The following ASTN2 variants were observed in gnomAD, a reference collection of about 807,000 sequenced individuals.
ASTN2 encodes the protein astrotactin-2.
Under a neutral mutation model 139.8 loss-of-function variants are expected in ASTN2, and 54 were observed. The ratio of observed to expected loss-of-function variants is 0.39; its 90% CI spans 0.31 to 0.48. The LOEUF is 0.48. Ranked by LOEUF, ASTN2 falls within the 20% of genes least tolerant of loss-of-function variation. The pLI, the probability that ASTN2 is intolerant of heterozygous loss-of-function variation, is 0.95. For synonymous variants in ASTN2, 756 were observed against 719.5 expected (o/e 1.05, Z -0.81); for missense variants, 1,565 against 1,725.1 (o/e 0.91, Z 1.64).
intron 10 of ASTN2, among the ~76,000 whole-genome samples, chr9:116,969,303 C>A (rs558697848): frequency 1.3e-5 from 2 of 152,184 alleles, no homozygotes; most frequent in Non-Finnish European, 2.9e-5. Flanking sequence ...GGGCAAGGTA[C>A]ATAATCCTCT....
intron 4 of ASTN2, among the ~76,000 whole-genome samples, chr9:117,128,175 G>A (rs1418138887): frequency 6.6e-6 from 1 of 151,808 alleles, no homozygotes; most frequent in Non-Finnish European, 1.5e-5. Flanking sequence ...ATCAGGGTCT[G>A]ACATTCTGGC....
chr9:116,975,568 C>G (rs1836320413), intron 9 of ASTN2, among the ~76,000 whole-genome samples: 2 of 152,146 alleles, frequency 1.3e-5, no homozygotes. Flanking sequence ...TTGCTAAGTT[C>G]CTTTTCCTGA....
At chr9:117,052,737 A>T (rs1401957750) in intron 5 of ASTN2, among the ~76,000 whole-genome samples, 3 of 152,210 alleles carry the variant, frequency 2.0e-5, no homozygotes, top group Non-Finnish European at 4.4e-5. Flanking sequence ...TGTTATTTAC[A>T]TTGTTTCTCA....
intron 10 of ASTN2, among the ~76,000 whole-genome samples, chr9:116,893,304 C>T (rs1235370282): frequency 1.3e-5 from 2 of 152,098 alleles, no homozygotes; most frequent in Non-Finnish European, 1.5e-5. Flanking sequence ...ATTTTCATGG[C>T]TATTTTGAAG....
chr9:116,739,067 A>G (rs763652962), intron 13 of ASTN2, among the ~76,000 whole-genome samples: 7 of 152,182 alleles, frequency 4.6e-5, no homozygotes, highest in Admixed American at 6.5e-5. Flanking sequence ...AAATTTATCT[A>G]TAAAAACAGT....
chr9:117,205,336 A>G (rs1416794387), intron 3 of ASTN2, among the ~76,000 whole-genome samples: 1 of 152,162 alleles, frequency 6.6e-6, no homozygotes, highest in Non-Finnish European at 1.5e-5. Context: ...GGGGTTCAAG[A>G]CTTACCACGT....
At position 116,424,725 on chromosome 9, in the gene ASTN2, G is replaced by C. The variant is rs745506891; in HGVS notation, c.*1126C>G. On this transcript the variant is annotated 3_prime_UTR_variant, in exon 23 of 23. Coordinates refer to ENST00000313400, the MANE Select transcript of ASTN2 (RefSeq NM_001365068.1). ...CCCAAGTAGCTGGGATTGATTACAGGCACGTGCCACCATGCCCTGCTATTT... is the reference window on the plus strand; with the variant it reads ...CCCAAGTAGCTGGGATTGATTACAGCCACGTGCCACCATGCCCTGCTATTT... Among the ~76,000 whole-genome samples, 24 of 151,866 alleles carry C rather than the reference G, an allele frequency of 1.6e-4. No individual in the cohort carries two copies. The highest frequency in any genetic ancestry group is 3.2e-4 in the Non-Finnish European group (22 of 67,988).
chr9:116,614,554 C>A (rs10817910), intron 19 of ASTN2, among the ~76,000 whole-genome samples: 60,504 of 151,554 alleles, frequency 0.4, 12,963 homozygotes, highest in Admixed American at 0.51. Flanking sequence ...AATAGAGCCC[C>A]CGGAAACAAT....
At chr9:116,479,720 G>A (rs778821232) in intron 20 of ASTN2, among the ~76,000 whole-genome samples, 7 of 152,182 alleles carry the variant, frequency 4.6e-5, no homozygotes, top group Admixed American at 2.0e-4. Flanking sequence ...AAATTCAATG[G>A]TAGCCATGTA....
intron 1 of ASTN2, among the ~76,000 whole-genome samples, chr9:117,399,181 T>C (rs1034709333): frequency 6.6e-6 from 1 of 152,150 alleles, no homozygotes; most frequent in African/African-American, 2.4e-5. Context: ...CTTAGAAAGC[T>C]TACATACTAA....
intron 22 of ASTN2, among the ~76,000 whole-genome samples, chr9:116,430,135 A>T (rs552160515): frequency 1.6e-4 from 25 of 152,334 alleles, no homozygotes; most frequent in Middle Eastern, 3.4e-3. Flanking sequence ...ATAGTCACAG[A>T]AGTAAGCGAT....
intron 14 of ASTN2, among the ~76,000 whole-genome samples, chr9:116,729,937 A>G (rs1828733145): frequency 6.6e-6 from 1 of 152,248 alleles, no homozygotes; most frequent in African/African-American, 2.4e-5. Flanking sequence ...AAATTTCAGG[A>G]AACACTGGTG....
chr9:116,545,690 A>C (rs1040795398), intron 19 of ASTN2: 1 of 152,232 alleles, frequency 6.6e-6, no homozygotes, highest in Non-Finnish European at 1.5e-5. Flanking sequence ...AAAAAAAATA[A>C]GAAAATTCAT....
At chr9:116,782,649 A>G (rs111488797) in intron 13 of ASTN2, among the ~76,000 whole-genome samples, 4 of 152,310 alleles carry the variant, frequency 2.6e-5, no homozygotes, top group African/African-American at 9.6e-5. Flanking sequence ...CTGAACACTG[A>G]CTTGGGTTCC....
chr9:116,816,221 TAC>T (rs1242370272), intron 12 of ASTN2, among the ~76,000 whole-genome samples: 1 of 152,122 alleles, frequency 6.6e-6, no homozygotes, highest in African/African-American at 2.4e-5. Flanking sequence ...TGTAAACACA[TAC>T]ACACACACAA....
At chr9:117,244,739 G>A (rs1460358431) in intron 2 of ASTN2, among the ~76,000 whole-genome samples, 1 of 146,306 alleles carries the variant, frequency 6.8e-6, no homozygotes, top group Non-Finnish European at 1.5e-5. Flanking sequence ...AGGGAGTGAG[G>A]GAGGGAAGGA....
rs530354214 is a variant in ASTN2 at position 116,846,628 on chromosome 9, C to T, written c.2040+16955G>A. Among the ~76,000 whole-genome samples the T allele has an allele frequency of 3.0e-4, 45 of 152,290 alleles. 1 individual carries two copies. Among genetic ancestry groups the T allele is most frequent in the East Asian group, 1.2e-3 (6 of 5,188 alleles). On this transcript the variant is annotated intron_variant, in intron 11 of 22. Transcript: ENST00000313400. ...GCTACTTTTCCCATTAGAGGAGTCC[C>T]ACGTAATTAGGGGACACAGGTTACC...
At chr9:116,650,578 G>A (rs928740110) in intron 17 of ASTN2, among the ~76,000 whole-genome samples, 2 of 152,034 alleles carry the variant, frequency 1.3e-5, no homozygotes, top group Non-Finnish European at 2.9e-5. Flanking sequence ...CATATGAATC[G>A]AACCAATATA....
At chr9:117,206,516 C>T (rs950593582) in intron 3 of ASTN2, among the ~76,000 whole-genome samples, 1 of 152,120 alleles carries the variant, frequency 6.6e-6, no homozygotes, top group Non-Finnish European at 1.5e-5. Context: ...TGCTGCAGCA[C>T]GGTACACACC....
Sources: gnomAD v4.1 joint callset for allele counts (sites outside exome capture counted in the v4.1 genomes callset) on GRCh38, gnomAD v4.1.1 for gene constraint, MANE v1.5 for transcripts, NCBI Gene and HGNC (gene_info 2026-07-23, HGNC 2026-07-21) for gene names.